SORCS2: variants seen among roughly 807,000 people sequenced by gnomAD.
SORCS2 encodes sortilin related VPS10 domain containing receptor 2.
A neutral mutation model predicts 141.6 loss-of-function variants in SORCS2; 100 were observed. The observed-to-expected ratio is 0.71, with a 90% confidence interval of 0.60 to 0.83. SORCS2 has a LOEUF of 0.83. Ranked by LOEUF, SORCS2 falls within the 40% of genes least tolerant of loss-of-function variation. The pLI is 0.00. For missense variants in SORCS2, 1,646 were observed against 1,560.2 expected (o/e 1.05, Z -0.93); for synonymous variants, 789 against 676.9 (o/e 1.17, Z -2.57).
intron 3 of SORCS2, among the ~76,000 whole-genome samples, chr4:7,621,505 G>C (rs114041224): frequency 0.016 from 2,442 of 151,440 alleles, 72 homozygotes; most frequent in African/African-American, 0.056. Flanking sequence ...GTCTATGTGT[G>C]TCTGTATGTT....
At chr4:7,256,849 C>G (rs1245812593) in intron 1 of SORCS2, among the ~76,000 whole-genome samples, 3 of 151,732 alleles carry the variant, frequency 2.0e-5, no homozygotes, top group African/African-American at 7.3e-5. Flanking sequence ...TCTGGCAGAG[C>G]CGGATAGGGC....
chr4:7,511,167 A>T (rs1300992549), intron 2 of SORCS2, among the ~76,000 whole-genome samples: 1 of 152,088 alleles, frequency 6.6e-6, no homozygotes, highest in Non-Finnish European at 1.5e-5. Flanking sequence ...GACTACATCC[A>T]CGCAGAGCCC....
intron 1 of SORCS2, among the ~76,000 whole-genome samples, chr4:7,303,099 C>T (rs1008173714): frequency 2.0e-5 from 3 of 152,066 alleles, no homozygotes; most frequent in African/African-American, 7.2e-5. Context: ...AGAGCTCAGA[C>T]GAGGTAATAA....
At chr4:7,489,368 G>T (rs555967700) in intron 2 of SORCS2, among the ~76,000 whole-genome samples, 21 of 152,298 alleles carry the variant, frequency 1.4e-4, no homozygotes, top group African/African-American at 4.3e-4. Context: ...TTCTTGAATT[G>T]ATTTGCCGCT....
intron 10 of SORCS2, among the ~76,000 whole-genome samples, chr4:7,685,929 G>A (rs1055775036): frequency 6.6e-6 from 1 of 152,120 alleles, no homozygotes; most frequent in Non-Finnish European, 1.5e-5. Flanking sequence ...GATACAGAAA[G>A]GTATAAAAAG....
intron 3 of SORCS2, among the ~76,000 whole-genome samples, chr4:7,612,760 G>A (rs1449460836): frequency 6.6e-6 from 1 of 152,220 alleles, no homozygotes; most frequent in Non-Finnish European, 1.5e-5. Context: ...CTATTATGCT[G>A]TATAATCCCA....
At chr4:7,513,402 G>A (rs1732784128) in intron 2 of SORCS2, among the ~76,000 whole-genome samples, 1 of 152,228 alleles carries the variant, frequency 6.6e-6, no homozygotes, top group Non-Finnish European at 1.5e-5. Flanking sequence ...GCTTCACCTT[G>A]GATTCAGGAG....
rs148418035 is a variant in SORCS2, at chr4:7,631,298, G to A, written c.649-7030G>A. ...GCAGGTCCAAGCAGGAGACCAGATG[G>A]GATGCAGGTCAGGGAGGCAGGGAGG... On this transcript the variant is annotated intron_variant, in intron 3 of 26. Coordinates refer to ENST00000507866, the MANE Select transcript of SORCS2 (RefSeq NM_020777.3). Among the ~76,000 whole-genome samples the A allele has an allele frequency of 7.3e-5, 11 of 151,482 alleles. No homozygotes were observed. The East Asian group carries it at 8.0e-4, about 11-fold the overall frequency.
At chr4:7,650,826 T>G (rs888429989) in intron 4 of SORCS2, among the ~76,000 whole-genome samples, 65 of 150,454 alleles carry the variant, frequency 4.3e-4, no homozygotes, top group African/African-American at 1.4e-3. Flanking sequence ...CGACCTCTCC[T>G]GGCCCAGGCC....
At chr4:7,372,819 C>T (rs1722342952) in intron 1 of SORCS2, among the ~76,000 whole-genome samples, 1 of 152,042 alleles carries the variant, frequency 6.6e-6, no homozygotes, top group South Asian at 2.1e-4. Flanking sequence ...AATCACACAG[C>T]ATCTGTGACC....
chr4:7,315,195 C>A (rs956779106), intron 1 of SORCS2, among the ~76,000 whole-genome samples: 1 of 152,188 alleles, frequency 6.6e-6, no homozygotes, highest in South Asian at 2.1e-4. Flanking sequence ...TTCGAGTGAG[C>A]CTCCCCAGGC....
chr4:7,724,369 A>G lies in SORCS2; in HGVS notation c.2611+486A>G, dbSNP rs371649018. 3.9e-4 allele frequency among the ~76,000 whole-genome samples: 51 copies of G among 129,666 alleles called. 1 individual carries two copies. Among genetic ancestry groups the G allele is most frequent in the East Asian group, 1.0e-3 (4 of 4,020 alleles). 85.1% of individuals were successfully genotyped at this position (129,666 alleles called of 152,430 possible). On this transcript the variant is annotated intron_variant, in intron 19 of 26. Coordinates refer to ENST00000507866, the MANE Select transcript of SORCS2 (RefSeq NM_020777.3). ...GGTAACAGTAGTGGTAGTAATGGTG[A>G]TGATGGTGGTGATAGGGTGTTGGTG...
chr4:7,195,654 A>G (rs1301092226), intron 1 of SORCS2, among the ~76,000 whole-genome samples: 2 of 152,222 alleles, frequency 1.3e-5, no homozygotes, highest in East Asian at 3.8e-4. Context: ...TCATTGCCTT[A>G]GTGCTTGTTG....
intron 5 of SORCS2, among the ~76,000 whole-genome samples, chr4:7,659,614 C>A: frequency 6.6e-6 from 1 of 152,210 alleles, no homozygotes; most frequent in East Asian, 1.9e-4. Context: ...ACGAGTACTG[C>A]ATAAATTCAA....
intron 1 of SORCS2, among the ~76,000 whole-genome samples, chr4:7,355,212 G>C (rs777029539): frequency 5.3e-5 from 8 of 152,096 alleles, no homozygotes; most frequent in Non-Finnish European, 1.2e-4. Flanking sequence ...GCACCAGAGA[G>C]AGGGTCCCCT....
intron 1 of SORCS2, among the ~76,000 whole-genome samples, chr4:7,317,181 G>A (rs533617274): frequency 6.6e-6 from 1 of 152,292 alleles, no homozygotes; most frequent in Admixed American, 6.5e-5. Flanking sequence ...AGTGTTGAAG[G>A]ATGGGAACCC....
intron 14 of SORCS2, among the ~76,000 whole-genome samples, chr4:7,708,795 G>A (rs564764609): frequency 1.3e-5 from 2 of 152,300 alleles, no homozygotes; most frequent in Admixed American, 6.5e-5. Flanking sequence ...GTGCCAACAC[G>A]TCTCAAAGAA....
intron 14 of SORCS2, among the ~76,000 whole-genome samples, chr4:7,709,973 C>G (rs1028392343): frequency 6.6e-5 from 10 of 152,178 alleles, no homozygotes; most frequent in African/African-American, 2.4e-4. Flanking sequence ...TAGACCCCTT[C>G]GGCACCTCTT....
In SORCS2 at chr4:7,346,434, C is replaced by T. The variant is rs568534932; in HGVS notation, c.481-49854C>T. ...ATGATTCCAACCCTTTAATATTTACCGAGACTTGTTTTACAGCCTAGCATG... is the reference window on the plus strand; with the variant it reads ...ATGATTCCAACCCTTTAATATTTACTGAGACTTGTTTTACAGCCTAGCATG... On this transcript the variant is annotated intron_variant, in intron 1 of 26. Coordinates refer to ENST00000507866, the MANE Select transcript of SORCS2 (RefSeq NM_020777.3). Among the ~76,000 whole-genome samples the T allele has an allele frequency of 1.5e-3, 231 of 152,098 alleles. 1 individual carries two copies. Among genetic ancestry groups the T allele is most frequent in the African/African-American group, 5.2e-3 (214 of 41,494 alleles).
Sources: allele counts gnomAD v4.1 joint callset (sites outside exome capture counted in the v4.1 genomes callset), GRCh38; gene constraint gnomAD v4.1.1; transcripts MANE v1.5; gene names NCBI Gene and HGNC (gene_info 2026-07-23, HGNC 2026-07-21).